The following GPHN variants were observed in gnomAD, a reference collection of about 807,000 sequenced individuals.
GPHN encodes gephyrin.
In GPHN, 17 loss-of-function variants were observed where a neutral mutation model predicts 95.5. The ratio of observed to expected loss-of-function variants is 0.18; its 90% CI spans 0.12 to 0.27. The LOEUF (loss-of-function observed/expected upper bound fraction) is 0.27, where lower values mean the gene tolerates loss of function less well. Ranked by LOEUF, GPHN falls within the 10% of genes least tolerant of loss-of-function variation. The pLI, the probability that GPHN is intolerant of heterozygous loss-of-function variation, is 1.00. For synonymous variants in GPHN, 320 were observed against 322.5 expected (o/e 0.99, Z 0.08); for missense variants, 660 against 978.1 (o/e 0.67, Z 4.34).
the GPHN span, among the ~76,000 whole-genome samples, chr14:67,518,312 G>A: frequency 2.0e-5 from 3 of 152,232 alleles, no homozygotes; most frequent in African/African-American, 7.2e-5. Context: ...ATGTCTTAAG[G>A]AAGTTCATTT....
chr14:67,733,055 G>T, the GPHN span, among the ~76,000 whole-genome samples: 34 of 151,932 alleles, frequency 2.2e-4, no homozygotes, highest in Non-Finnish European at 4.4e-4. Flanking sequence ...ACACCAACAT[G>T]GCACATGTAT....
intron 1 of GPHN, among the ~76,000 whole-genome samples, chr14:66,633,405 T>A (rs1158270586): frequency 6.6e-6 from 1 of 152,196 alleles, no homozygotes; most frequent in Non-Finnish European, 1.5e-5. Flanking sequence ...CATAAATTAG[T>A]TTTACCAAAC....
intron 20 of GPHN, among the ~76,000 whole-genome samples, chr14:67,166,145 A>G (rs1241574843): frequency 6.6e-6 from 1 of 152,220 alleles, no homozygotes; most frequent in Non-Finnish European, 1.5e-5. Flanking sequence ...GAAAAATGTT[A>G]AACTTTGAAA....
At chr14:66,580,246 A>T (rs1224417090) in intron 1 of GPHN, among the ~76,000 whole-genome samples, 5 of 151,862 alleles carry the variant, frequency 3.3e-5, no homozygotes, top group Admixed American at 6.6e-5. Context: ...ATAGCAACAG[A>T]TGCCTACACA....
chr14:67,374,588 G>A, the GPHN span: 13 of 1,325,450 alleles, frequency 9.8e-6, no homozygotes, highest in African/African-American at 1.5e-5. Context: ...CTATCTGTGT[G>A]TTTAATAAAT....
intron 3 of GPHN, among the ~76,000 whole-genome samples, chr14:66,791,273 C>A (rs2059961651): frequency 6.6e-6 from 1 of 152,166 alleles, no homozygotes; most frequent in African/African-American, 2.4e-5. Context: ...CAGTATTGTC[C>A]CTTTGGGGGT....
chr14:67,508,821 C>T, the GPHN span, among the ~76,000 whole-genome samples: 1 of 141,206 alleles, frequency 7.1e-6, no homozygotes, highest in South Asian at 2.4e-4. Flanking sequence ...TCCCAATCTA[C>T]TAGCTGGTCA....
At chr14:67,654,881 T>C in the GPHN span, among the ~76,000 whole-genome samples, 1 of 151,720 alleles carries the variant, frequency 6.6e-6, no homozygotes, top group Non-Finnish European at 1.5e-5. Context: ...TACGAAAAAT[T>C]AGCCGGGTGT....
At chr14:67,286,871 A>G in the GPHN span, among the ~76,000 whole-genome samples, 7 of 151,068 alleles carry the variant, frequency 4.6e-5, no homozygotes, top group East Asian at 1.9e-4. Flanking sequence ...AAAAAAAAAA[A>G]AAAGAAAAAA....
chr14:67,649,610 G>T, the GPHN span: 1 of 152,204 alleles, frequency 6.6e-6, no homozygotes, highest in Admixed American at 6.5e-5. Context: ...CAGGAACACA[G>T]GTCCATGTGC....
chr14:67,027,549 C>T (rs940211226), intron 10 of GPHN, among the ~76,000 whole-genome samples: 6 of 152,242 alleles, frequency 3.9e-5, no homozygotes, highest in African/African-American at 9.6e-5. Context: ...CAGGCTGGAA[C>T]TTGAACTCCT....
chr14:66,630,232 A>G (rs1432285854), intron 1 of GPHN, among the ~76,000 whole-genome samples: 2 of 152,290 alleles, frequency 1.3e-5, no homozygotes, highest in Admixed American at 6.5e-5. Context: ...GCTCTTTTCT[A>G]TAATTTTCAC....
chr14:66,572,486 G>A (rs925407246), intron 1 of GPHN, among the ~76,000 whole-genome samples: 1 of 79,340 alleles, frequency 1.3e-5, no homozygotes, highest in Non-Finnish European at 1.9e-5. Context: ...ATTCCTCTGT[G>A]TGTGTGTGTG....
chr14:66,950,483 A>G (rs570367181), intron 8 of GPHN, among the ~76,000 whole-genome samples: 399 of 152,290 alleles, frequency 2.6e-3, no homozygotes, highest in Middle Eastern at 6.8e-3. Context: ...TTTCTATTTA[A>G]AACAATTTTC....
the GPHN span, among the ~76,000 whole-genome samples, chr14:67,417,176 C>A: frequency 6.6e-6 from 1 of 152,170 alleles, no homozygotes; most frequent in Non-Finnish European, 1.5e-5. Context: ...GGGTTCAAAC[C>A]CTTCCTATGC....
At chr14:67,213,392 C>A in the GPHN span, among the ~76,000 whole-genome samples, 1 of 138,172 alleles carries the variant, frequency 7.2e-6, no homozygotes, top group East Asian at 2.1e-4. Context: ...TCAATTCCCA[C>A]CTATGAGTGA....
At chr14:66,745,224 C>T (rs999308930) in intron 2 of GPHN, among the ~76,000 whole-genome samples, 4 of 152,022 alleles carry the variant, frequency 2.6e-5, no homozygotes, top group Admixed American at 1.3e-4. Context: ...GTATAATGAA[C>T]AGCTGCACTC....
intron 1 of GPHN, among the ~76,000 whole-genome samples, chr14:66,629,013 TC>T (rs1354343859): frequency 1.3e-5 from 2 of 148,456 alleles, no homozygotes; most frequent in Non-Finnish European, 3.0e-5. Flanking sequence ...TGCAGTGAAC[TC>T]TGATCTCACC....
chr14:66,521,352 A>C (rs985538482), intron 1 of GPHN, among the ~76,000 whole-genome samples: 2 of 152,022 alleles, frequency 1.3e-5, no homozygotes, highest in African/African-American at 4.8e-5. Flanking sequence ...CATTGTAACC[A>C]GGAGGTTGAG....
Sources: gnomAD v4.1 joint callset for allele counts (sites outside exome capture counted in the v4.1 genomes callset) on GRCh38, gnomAD v4.1.1 for gene constraint, MANE v1.5 for transcripts, NCBI Gene and HGNC (gene_info 2026-07-23, HGNC 2026-07-21) for gene names.